The following EFCAB11 variants were observed in gnomAD, a reference collection of about 807,000 sequenced individuals.
The protein encoded by EFCAB11 is EF-hand calcium binding domain 11.
EFCAB11 carries 14 observed loss-of-function variants against 23.0 expected under a neutral mutation model. The observed-to-expected ratio is 0.61, with a 90% confidence interval of 0.40 to 0.95. The LOEUF is 0.95. Ranked by LOEUF, EFCAB11 falls within the 40% of genes least tolerant of loss-of-function variation. The probability of loss-of-function intolerance (pLI) is 0.00; values close to 1 mark genes in which losing one functional copy is unlikely to be tolerated. For synonymous variants in EFCAB11, 65 were observed against 66.6 expected, an observed-to-expected ratio of 0.98 and a Z score of 0.11; for missense variants, 198 against 195.8, an observed-to-expected ratio of 1.01 and a Z score of -0.07.
chr14:89,868,367 G>C (rs1317109517), intron 5 of EFCAB11, among the ~76,000 whole-genome samples: 1 of 152,202 alleles, frequency 6.6e-6, no homozygotes, highest in African/African-American at 2.4e-5. Context: ...TTACGTACAG[G>C]ACTATGTGGT....
At chr14:89,907,066 GACATCAGTTTCCCT>G (rs1889521746) in intron 5 of EFCAB11, among the ~76,000 whole-genome samples, 1 of 152,130 alleles carries the variant, frequency 6.6e-6, no homozygotes, top group African/African-American at 2.4e-5. Flanking sequence ...GAGGTTAACA[GACATCAGTTTCCCT>G]ACATCAGTTT....
intron 5 of EFCAB11, among the ~76,000 whole-genome samples, chr14:89,927,471 C>T (rs182114514): frequency 6.6e-6 from 1 of 151,880 alleles, no homozygotes; most frequent in African/African-American, 2.4e-5. Flanking sequence ...GGTAAAGAAA[C>T]CCATACATGC....
intron 3 of EFCAB11, among the ~76,000 whole-genome samples, chr14:89,933,660 G>A (rs952199934): frequency 1.3e-5 from 2 of 152,308 alleles, no homozygotes; most frequent in African/African-American, 4.8e-5. Flanking sequence ...ACTGTATTAA[G>A]CTTTGGAAAT....
At chr14:89,865,075 G>T (rs1888041201) in intron 5 of EFCAB11, among the ~76,000 whole-genome samples, 1 of 152,214 alleles carries the variant, frequency 6.6e-6, no homozygotes, top group Non-Finnish European at 1.5e-5. Context: ...GAGGTTACGG[G>T]TGTGAGGCCG....
At chr14:89,886,353 T>C (rs572137433) in intron 5 of EFCAB11, among the ~76,000 whole-genome samples, 13 of 151,596 alleles carry the variant, frequency 8.6e-5, no homozygotes, top group African/African-American at 2.7e-4. Context: ...CCGTCTCTAC[T>C]AAAAATACAA....
intron 1 of EFCAB11, chr14:89,954,332 G>A (rs368349605): frequency 2.0e-6 from 3 of 1,534,966 alleles, no homozygotes; most frequent in South Asian, 2.4e-5. Flanking sequence ...TGAAAGGCGG[G>A]AGAGATGCAG....
intron 5 of EFCAB11, among the ~76,000 whole-genome samples, chr14:89,863,169 G>C (rs1273852537): frequency 6.6e-6 from 1 of 151,928 alleles, no homozygotes; most frequent in Non-Finnish European, 1.5e-5. Flanking sequence ...AATATGAAAT[G>C]GAAAATTTTA....
intron 5 of EFCAB11, among the ~76,000 whole-genome samples, chr14:89,824,200 G>A (rs754970418): frequency 2.0e-5 from 3 of 152,020 alleles, no homozygotes; most frequent in Non-Finnish European, 4.4e-5. Context: ...TACTTGTTCA[G>A]AGAAAAAAAT....
intron 5 of EFCAB11, among the ~76,000 whole-genome samples, chr14:89,807,949 A>ATC (rs1253937329): frequency 1.3e-5 from 2 of 152,238 alleles, no homozygotes; most frequent in African/African-American, 4.8e-5. Flanking sequence ...ATGTATATAT[A>ATC]GGAATTCTGC....
intron 5 of EFCAB11, among the ~76,000 whole-genome samples, chr14:89,814,004 T>G (rs1218393087): frequency 2.0e-5 from 3 of 152,078 alleles, no homozygotes; most frequent in Non-Finnish European, 2.9e-5. Context: ...TTTGACTCGT[T>G]TGACACTCTT....
chr14:89,928,964 T>A (rs2139803262), intron 5 of EFCAB11, among the ~76,000 whole-genome samples: 1 of 148,422 alleles, frequency 6.7e-6, no homozygotes, highest in South Asian at 2.1e-4. Context: ...TATATATAAT[T>A]CAATAGCTTT....
intron 5 of EFCAB11, among the ~76,000 whole-genome samples, chr14:89,868,263 G>A (rs1241712372): frequency 2.0e-5 from 3 of 152,200 alleles, no homozygotes; most frequent in African/African-American, 7.2e-5. Flanking sequence ...GGCAAGACCA[G>A]TAGGACTAAG....
At chr14:89,931,468 C>T in intron 5 of EFCAB11, 73 bp downstream of exon 5, 1 of 1,327,392 alleles carries the variant, frequency 7.5e-7, no homozygotes, top group Non-Finnish European at 1.1e-6. Context: ...TAAGTTCTTT[C>T]CATAAAGTCA....
chr14:89,800,132 G>A (rs377717776), intron 5 of EFCAB11, among the ~76,000 whole-genome samples: 4 of 152,264 alleles, frequency 2.6e-5, no homozygotes, highest in South Asian at 2.1e-4. Context: ...GTTGCAGTGA[G>A]CCAAGATCGG....
chr14:89,950,250 T>C (rs193107084), intron 2 of EFCAB11, 108 bp from the exon 3 acceptor site: 2 of 1,181,926 alleles, frequency 1.7e-6, no homozygotes, highest in African/African-American at 1.6e-5. Flanking sequence ...AGAAACCAAG[T>C]CTGTTGAACC....
intron 3 of EFCAB11, among the ~76,000 whole-genome samples, chr14:89,943,505 T>C (rs1890864658): frequency 6.6e-6 from 1 of 152,046 alleles, no homozygotes; most frequent in Non-Finnish European, 1.5e-5. Flanking sequence ...GCCTCCCAAA[T>C]TGCATGGGAC....
At chr14:89,837,876 T>A (rs1182450385) in intron 5 of EFCAB11, among the ~76,000 whole-genome samples, 3 of 152,098 alleles carry the variant, frequency 2.0e-5, no homozygotes, top group Admixed American at 1.3e-4. Flanking sequence ...ATCAGTTTCT[T>A]TTTTTTCAGT....
At chr14:89,880,361 G>C (rs1888563935) in intron 5 of EFCAB11, among the ~76,000 whole-genome samples, 1 of 152,168 alleles carries the variant, frequency 6.6e-6, no homozygotes, top group African/African-American at 2.4e-5. Flanking sequence ...GCCTCCAGAA[G>C]TGTGAGAAAT....
At chr14:89,890,453 C>T (rs571665495) in intron 5 of EFCAB11, among the ~76,000 whole-genome samples, 51 of 152,150 alleles carry the variant, frequency 3.4e-4, no homozygotes, top group Non-Finnish European at 6.0e-4. Flanking sequence ...ATATCTCTTA[C>T]AAATAAGTGA....
Sources: gnomAD v4.1 joint callset for allele counts (sites outside exome capture counted in the v4.1 genomes callset) on GRCh38, gnomAD v4.1.1 for gene constraint, MANE v1.5 for transcripts, NCBI Gene and HGNC (gene_info 2026-07-23, HGNC 2026-07-21) for gene names.